The following SCML2 variants were observed in gnomAD, a reference collection of about 807,000 sequenced individuals.
SCML2 encodes the protein sex comb on midleg-like protein 2.
Under a neutral mutation model 48.4 loss-of-function variants are expected in SCML2, and 6 were observed. That is an observed-to-expected ratio of 0.12 (90% CI 0.07 to 0.24). The LOEUF is 0.24. Among genes scored for constraint, SCML2 ranks in the 10% least tolerant of loss-of-function variants. SCML2 has a pLI of 1.00. For synonymous variants in SCML2, 181 were observed against 189.5 expected (o/e 0.95, Z 0.37); for missense variants, 377 against 528.2 (o/e 0.71, Z 2.81).
chrX:18,263,041 A>G (rs1907641990), intron 8 of SCML2, among the ~76,000 whole-genome samples: 1 of 111,218 alleles, frequency 9.0e-6, no homozygotes, highest in Admixed American at 9.5e-5. Context: ...TTAACAGTTT[A>G]TATTCCTTAG....
intron 8 of SCML2, among the ~76,000 whole-genome samples, chrX:18,261,357 C>T (rs906498997): frequency 9.2e-6 from 1 of 108,962 alleles, no homozygotes; most frequent in Non-Finnish European, 1.9e-5. Context: ...CATTCTTTCA[C>T]TATTTTAAAA....
intron 5 of SCML2, among the ~76,000 whole-genome samples, chrX:18,323,515 T>C (rs922144120): frequency 9.0e-6 from 1 of 111,634 alleles, no homozygotes; most frequent in East Asian, 2.8e-4. Context: ...TGAGAGAGCA[T>C]GTGCCTTGTA....
intron 11 of SCML2, among the ~76,000 whole-genome samples, chrX:18,252,793 CA>C (rs1157376748): frequency 8.9e-6 from 1 of 111,947 alleles, no homozygotes; most frequent in African/African-American, 3.2e-5. Flanking sequence ...AAAAATAAAT[CA>C]AAAAAGATTT....
chrX:18,250,544 G>A (rs1482299429), intron 11 of SCML2, among the ~76,000 whole-genome samples: 1 of 109,476 alleles, frequency 9.1e-6, no homozygotes, highest in Admixed American at 9.8e-5. Flanking sequence ...ACCACACCTG[G>A]CAATTTTTTT....
chrX:18,267,743 G>A (rs1383394497), intron 7 of SCML2, among the ~76,000 whole-genome samples: 3 of 109,215 alleles, frequency 2.7e-5, no homozygotes, highest in Non-Finnish European at 5.7e-5. Flanking sequence ...CCGCCACTAC[G>A]CCCAACTACG....
At chrX:18,312,975 G>A (rs1928998831) in intron 6 of SCML2, among the ~76,000 whole-genome samples, 1 of 82,549 alleles carries the variant, frequency 1.2e-5, no homozygotes, top group Admixed American at 1.2e-4. Flanking sequence ...CAGAATGGGT[G>A]TGCGTGTGTG....
At chrX:18,321,619 A>G (rs1368578086) in intron 5 of SCML2, among the ~76,000 whole-genome samples, 2 of 101,432 alleles carry the variant, frequency 2.0e-5, no homozygotes, top group African/African-American at 7.3e-5. Flanking sequence ...AAAAAAAAAA[A>G]CAGGGGTGGG....
At chrX:18,343,043 A>G (rs747129227) in intron 1 of SCML2, among the ~76,000 whole-genome samples, 4 of 111,811 alleles carry the variant, frequency 3.6e-5, no homozygotes, top group Non-Finnish European at 7.5e-5. Flanking sequence ...TAATGGGTCT[A>G]TAATTCTAAG....
chrX:18,242,385 C>G, intron 14 of SCML2, 54 bp downstream of exon 14: 3 of 1,129,143 alleles, frequency 2.7e-6, no homozygotes, highest in Non-Finnish European at 3.5e-6. Flanking sequence ...AGGGCCTGCA[C>G]AGAGGTCATT....
intron 1 of SCML2, among the ~76,000 whole-genome samples, chrX:18,347,416 G>A (rs1930232467): frequency 9.3e-6 from 1 of 107,225 alleles, no homozygotes; most frequent in African/African-American, 3.4e-5. Context: ...TTGCACCCCA[G>A]CCTGAGTGAC....
chrX:18,351,389 TG>T (rs1239726185), intron 1 of SCML2, among the ~76,000 whole-genome samples: 1 of 111,521 alleles, frequency 9.0e-6, no homozygotes, highest in Non-Finnish European at 1.9e-5. Context: ...ACATTAATAA[TG>T]GTTCTAAAAT....
At chrX:18,255,917 A>T (rs925495307) in intron 11 of SCML2, among the ~76,000 whole-genome samples, 1 of 111,991 alleles carries the variant, frequency 8.9e-6, no homozygotes, top group Non-Finnish European at 1.9e-5. Flanking sequence ...ACCCACATAC[A>T]ATCCTGCCAT....
At chrX:18,350,237 C>T (rs1426586342) in intron 1 of SCML2, among the ~76,000 whole-genome samples, 1 of 110,501 alleles carries the variant, frequency 9.0e-6, no homozygotes, top group African/African-American at 3.3e-5. Context: ...CAAGATCACA[C>T]CACCGCACTC....
intron 6 of SCML2, among the ~76,000 whole-genome samples, chrX:18,310,580 A>T (rs890664496): frequency 1.8e-5 from 2 of 108,426 alleles, no homozygotes; most frequent in African/African-American, 6.8e-5. Context: ...TATTTATTTT[A>T]TTTATTTTTT....
chrX:18,328,122 A>G (rs1252462201), intron 3 of SCML2, among the ~76,000 whole-genome samples: 1 of 110,852 alleles, frequency 9.0e-6, no homozygotes, highest in African/African-American at 3.3e-5. Flanking sequence ...TTTGTACTCT[A>G]TTCTAGTCTA....
chrX:18,353,339 A>T (rs1226134659), intron 1 of SCML2, among the ~76,000 whole-genome samples: 1 of 112,483 alleles, frequency 8.9e-6, no homozygotes, highest in African/African-American at 3.2e-5. Flanking sequence ...GCTGTACTCC[A>T]TAAATGTTGT....
At chrX:18,336,564 G>A (rs1929823060) in intron 1 of SCML2, among the ~76,000 whole-genome samples, 1 of 107,754 alleles carries the variant, frequency 9.3e-6, no homozygotes, top group Non-Finnish European at 1.9e-5. Context: ...GTGAAACCCC[G>A]TCTCTACTAA....
At position 18,284,629 on chromosome X, in the gene SCML2, T is replaced by C. The variant is rs184208221; in HGVS notation, c.731-18827A>G. Among the ~76,000 whole-genome samples, 71 of 112,235 alleles carry C rather than the reference T, an allele frequency of 6.3e-4. No homozygotes were observed. The East Asian group carries it at 0.018, about 29-fold the overall frequency. ...AGACACTTCTCAAAAGACATACATA[T>C]GGCCAACAAACATGAAAAAATGCTC... On this transcript the variant is annotated intron_variant, in intron 7 of 14. Coordinates refer to ENST00000251900, the MANE Select transcript of SCML2 (RefSeq NM_006089.3).
intron 7 of SCML2, among the ~76,000 whole-genome samples, chrX:18,297,634 T>C (rs1157664966): frequency 2.7e-5 from 3 of 111,741 alleles, no homozygotes; most frequent in South Asian, 3.7e-4. Context: ...AGTGTTTCTA[T>C]ACACCAATAA....
Sources: allele counts gnomAD v4.1 joint callset (sites outside exome capture counted in the v4.1 genomes callset), GRCh38; gene constraint gnomAD v4.1.1; transcripts MANE v1.5; gene names NCBI Gene and HGNC (gene_info 2026-07-23, HGNC 2026-07-21).